MYO1D: variants seen among roughly 807,000 people sequenced by gnomAD.
MYO1D encodes myosin ID, also known as unconventional myosin-Id.
Under a neutral mutation model 122.0 loss-of-function variants are expected in MYO1D, and 83 were observed. That is an observed-to-expected ratio of 0.68 (90% CI 0.57 to 0.82). MYO1D has a LOEUF of 0.82. Among genes scored for constraint, MYO1D ranks in the 40% least tolerant of loss-of-function variants. MYO1D has a pLI of 0.00. For synonymous variants in MYO1D, 464 were observed against 446.9 expected (o/e 1.04, Z -0.48); for missense variants, 1,157 against 1,269.5 (o/e 0.91, Z 1.35).
intron 16 of MYO1D, among the ~76,000 whole-genome samples, chr17:32,705,913 T>C (rs1294859890): frequency 6.6e-6 from 1 of 152,178 alleles, no homozygotes; most frequent in African/African-American, 2.4e-5. Context: ...CATCTCTCTC[T>C]TTGCCGGCCA....
At chr17:32,798,459 T>G (rs984411322) in intron 1 of MYO1D, among the ~76,000 whole-genome samples, 7 of 152,210 alleles carry the variant, frequency 4.6e-5, no homozygotes, top group African/African-American at 1.7e-4. Context: ...ATAGCGTAAG[T>G]GGTTACTTCC....
At chr17:32,538,463 A>AT (rs1212682017) in intron 21 of MYO1D, among the ~76,000 whole-genome samples, 2 of 129,428 alleles carry the variant, frequency 1.5e-5, no homozygotes, top group East Asian at 2.0e-4. Context: ...TATTATTATT[A>AT]TTATTATTTT....
chr17:32,525,272 G>A (rs1910303479), intron 21 of MYO1D, among the ~76,000 whole-genome samples: 1 of 152,174 alleles, frequency 6.6e-6, no homozygotes, highest in Admixed American at 6.5e-5. Flanking sequence ...GGATTTCTGT[G>A]GCTATCTCAC....
chr17:32,867,109 T>C (rs776802674), intron 1 of MYO1D, among the ~76,000 whole-genome samples: 17 of 152,136 alleles, frequency 1.1e-4, no homozygotes, highest in Non-Finnish European at 1.6e-4. Flanking sequence ...GGGTGAATCA[T>C]GAGGTCAGGA....
intron 21 of MYO1D, among the ~76,000 whole-genome samples, chr17:32,579,157 C>A (rs181885093): frequency 2.2e-4 from 33 of 152,288 alleles, no homozygotes; most frequent in African/African-American, 7.2e-4. Context: ...CAGCCTCAGC[C>A]TCCTGGGCTG....
intron 1 of MYO1D, among the ~76,000 whole-genome samples, chr17:32,790,010 T>C (rs933891399): frequency 1.3e-5 from 2 of 152,232 alleles, no homozygotes; most frequent in African/African-American, 4.8e-5. Flanking sequence ...AAATGTCTCA[T>C]TCTTCCTTAC....
At chr17:32,644,072 T>C (rs1294590380) in intron 19 of MYO1D, among the ~76,000 whole-genome samples, 1 of 152,214 alleles carries the variant, frequency 6.6e-6, no homozygotes, top group African/African-American at 2.4e-5. Flanking sequence ...AATTTCCCTC[T>C]ACACACTGCT....
At chr17:32,737,248 G>A (rs764259566) in intron 14 of MYO1D, among the ~76,000 whole-genome samples, 2 of 152,052 alleles carry the variant, frequency 1.3e-5, no homozygotes, top group Admixed American at 6.5e-5. Flanking sequence ...CTTGCCAACA[G>A]CAGCAGTTAG....
At chr17:32,527,360 G>A (rs1044253453) in intron 21 of MYO1D, among the ~76,000 whole-genome samples, 5 of 152,242 alleles carry the variant, frequency 3.3e-5, no homozygotes, top group Non-Finnish European at 7.3e-5. Context: ...GGCTGTCCAA[G>A]GAGTGTCCAG....
rs60912187 is a variant in MYO1D at position 32,673,090 on chromosome 17, CTTTTTTTTTTTTTTTTTT to C, written c.2122-13770_2122-13753del. On this transcript the variant is annotated intron_variant, in intron 16 of 21. Coordinates refer to ENST00000318217, the MANE Select transcript of MYO1D (RefSeq NM_015194.3). ...TGTAAGGAATTACATAAACATGCTA[CTTTTTTTTTTTTTTTTTT>C]TTTTTTTTTTTTTTTTTTTGAGACA... 1.3e-3 allele frequency among the ~76,000 whole-genome samples: 37 copies of C among 28,652 alleles called. 1 individual carries two copies. The highest frequency in any genetic ancestry group is 3.2e-3 in the South Asian group (2 of 632). 18.8% of individuals were successfully genotyped at this position (28,652 alleles called of 152,430 possible).
intron 1 of MYO1D, among the ~76,000 whole-genome samples, chr17:32,838,347 C>T (rs1435339199): frequency 6.6e-6 from 1 of 152,098 alleles, no homozygotes; most frequent in African/African-American, 2.4e-5. Flanking sequence ...AATTTTTAGA[C>T]ACGAAATAGT....
intron 16 of MYO1D, among the ~76,000 whole-genome samples, chr17:32,708,013 T>C (rs980877928): frequency 6.6e-5 from 10 of 152,340 alleles, no homozygotes; most frequent in South Asian, 2.1e-4. Flanking sequence ...TTCCCTTTGC[T>C]GATTTTGCTT....
intron 16 of MYO1D, among the ~76,000 whole-genome samples, chr17:32,664,512 C>T (rs901919933): frequency 2.0e-5 from 3 of 152,160 alleles, no homozygotes; most frequent in African/African-American, 7.2e-5. Flanking sequence ...CCAAAAGGGG[C>T]CCTGCTTCAA....
intron 21 of MYO1D, among the ~76,000 whole-genome samples, chr17:32,503,280 G>C (rs950170274): frequency 6.6e-6 from 1 of 152,196 alleles, no homozygotes; most frequent in Non-Finnish European, 1.5e-5. Flanking sequence ...AGGGTTTTAG[G>C]TCAAAGCCAA....
chr17:32,765,748 G>A (rs569607794), intron 7 of MYO1D, among the ~76,000 whole-genome samples: 7 of 151,978 alleles, frequency 4.6e-5, no homozygotes, highest in East Asian at 2.0e-4. Context: ...GTGAGCCACC[G>A]CGCCTGGCCT....
chr17:32,783,144 A>G (rs1341129651), intron 1 of MYO1D, among the ~76,000 whole-genome samples: 1 of 136,420 alleles, frequency 7.3e-6, no homozygotes. Context: ...GTTTTGAATA[A>G]GCACTGTCCA....
intron 21 of MYO1D, among the ~76,000 whole-genome samples, chr17:32,589,290 T>G (rs1318584912): frequency 6.6e-6 from 1 of 152,220 alleles, no homozygotes; most frequent in East Asian, 1.9e-4. Context: ...CTGTTCTCTC[T>G]TACTGAACCC....
chr17:32,784,769 T>C (rs2090275992), intron 1 of MYO1D, among the ~76,000 whole-genome samples: 1 of 152,078 alleles, frequency 6.6e-6, no homozygotes, highest in Admixed American at 6.6e-5. Flanking sequence ...AGGGGCTCCT[T>C]CAGATCAGTC....
At chr17:32,749,369 A>G (rs2089874369) in intron 11 of MYO1D, among the ~76,000 whole-genome samples, 1 of 152,228 alleles carries the variant, frequency 6.6e-6, no homozygotes, top group African/African-American at 2.4e-5. Flanking sequence ...GGCATGGAAT[A>G]GTCAGAAGAT....
Sources: allele counts gnomAD v4.1 joint callset (sites outside exome capture counted in the v4.1 genomes callset), GRCh38; gene constraint gnomAD v4.1.1; transcripts MANE v1.5; gene names NCBI Gene and HGNC (gene_info 2026-07-23, HGNC 2026-07-21).